Variants in FAM107A observed in about 807,000 individuals in gnomAD.
FAM107A encodes actin-associated protein FAM107A.
FAM107A carries 19 observed loss-of-function variants against 13.7 expected under a neutral mutation model. The observed-to-expected ratio is 1.38, with a 90% CI of 0.97 to 2.03. The LOEUF is 2.03. FAM107A is among the 30% of genes most tolerant of loss of function. The pLI is 0.00. For synonymous variants in FAM107A, 82 were observed against 74.5 expected, an observed-to-expected ratio of 1.10 and a Z score of -0.52; for missense variants, 203 against 184.4, an observed-to-expected ratio of 1.10 and a Z score of -0.58.
chr3:58,569,555 G>A lies in FAM107A; in HGVS notation c.170+136C>T, dbSNP rs1461744438. ...CTTTACAGGTTTTGCCGGTGATCAT[G>A]TGGGGCACCTCAGCCTTCCTCAGTC... On this transcript the variant is annotated intron_variant, in intron 2 of 3. Coordinates refer to ENST00000360997, the MANE Select transcript of FAM107A (RefSeq NM_001076778.3). The surrounding 1 kb of genome is among the most constrained non-coding windows in gnomAD (Gnocchi z 5.7). 1 of 725,060 alleles carries A rather than the reference G, an allele frequency of 1.4e-6. No individual in the cohort carries two copies. The highest frequency in any genetic ancestry group is 2.3e-6 in the Non-Finnish European group (1 of 435,422). 44.9% of individuals were successfully genotyped at this position (725,060 alleles called of 1,614,324 possible). A position where few individuals can be genotyped will look rare whatever the true frequency, so the allele number is the denominator to read the frequency against.
At chr3:58,627,259 C>A in intron 1 of FAM107A, 1 of 506,014 alleles carries the variant, frequency 2.0e-6, no homozygotes, top group South Asian at 3.3e-5. Flanking sequence ...GTCCCTGCAG[C>A]TCCTCACCTC....
chr3:58,577,355 G>A lies in FAM107A; in HGVS notation c.-52C>T. On this transcript the variant is annotated 5_prime_UTR_variant, in exon 1 of 4. Transcript: ENST00000360997. This position sits in a 1 kb window ranked among gnomAD's most constrained non-coding sequence, Gnocchi z 4.9. ...AAGGGAAGTCAGGAGCGTGTTGCTG[G>A]GTTCCTCACTCCACCGGGAAGTCCC... The A allele has an allele frequency of 3.0e-6, 3 of 985,424 alleles. No individual in the cohort carries two copies. The highest frequency in any genetic ancestry group is 3.6e-6 in the Non-Finnish European group (3 of 829,966). 61.0% of individuals were successfully genotyped at this position (985,424 alleles called of 1,614,324 possible). A position where few individuals can be genotyped will look rare whatever the true frequency, so the allele number is the denominator to read the frequency against.
At chr3:58,627,194 G>T (rs1016377196) in intron 1 of FAM107A, 7 of 586,394 alleles carry the variant, frequency 1.2e-5, no homozygotes, top group African/African-American at 1.9e-5. Flanking sequence ...GGCTTAGGGC[G>T]ATTGATCCTG....
upstream of FAM107A, among the ~76,000 whole-genome samples, chr3:58,581,200 C>T (rs1228923009): frequency 6.6e-6 from 1 of 152,212 alleles, no homozygotes; most frequent in East Asian, 1.9e-4. Context: ...AGGGGGAAGC[C>T]CAGGGGCTGG....
upstream of FAM107A, chr3:58,587,217 G>A: frequency 1.3e-6 from 1 of 793,500 alleles, no homozygotes; most frequent in South Asian, 3.2e-5. Flanking sequence ...CCAGGGCCAA[G>A]GCGAGAACAC....
intron 1 of FAM107A, among the ~76,000 whole-genome samples, chr3:58,593,580 C>CT (rs55829290): frequency 0.23 from 34,437 of 147,852 alleles, 4,447 homozygotes; most frequent in South Asian, 0.48. Context: ...TGACGAAGTC[C>CT]TTTTTTTTTT....
chr3:58,570,293 T>C, intron 1 of FAM107A: 1 of 679,178 alleles, frequency 1.5e-6, no homozygotes, highest in Non-Finnish European at 1.8e-6. Context: ...AAAAACAATT[T>C]GGATAAATGC....
intron 1 of FAM107A, among the ~76,000 whole-genome samples, chr3:58,623,349 G>A (rs1054814003): frequency 2.0e-5 from 3 of 152,214 alleles, no homozygotes; most frequent in Non-Finnish European, 2.9e-5. Context: ...CCTGGGTGGT[G>A]TTGGGTTTGG....
upstream of FAM107A, among the ~76,000 whole-genome samples, chr3:58,582,333 G>A (rs147007030): frequency 1.6e-4 from 25 of 152,340 alleles, no homozygotes; most frequent in East Asian, 2.5e-3. Flanking sequence ...TGGAGGCTGC[G>A]TCTGCCCCTC....
At chr3:58,578,877 C>T (rs1030330292), upstream of FAM107A, among the ~76,000 whole-genome samples, 3 of 152,224 alleles carry the variant, frequency 2.0e-5, no homozygotes, top group Non-Finnish European at 2.9e-5. Flanking sequence ...AACAAGGCAA[C>T]CTTGTGTCTT....
At chr3:58,590,656 C>A (rs78162801), upstream of FAM107A, among the ~76,000 whole-genome samples, 2 of 152,054 alleles carry the variant, frequency 1.3e-5, no homozygotes, top group South Asian at 2.1e-4. Context: ...AGAGAGTGCA[C>A]GCAAGGAAGT....
intron 1 of FAM107A, among the ~76,000 whole-genome samples, chr3:58,605,303 T>C (rs756464155): frequency 2.6e-5 from 4 of 152,250 alleles, no homozygotes; most frequent in Non-Finnish European, 5.9e-5. Flanking sequence ...AGTCTGACCC[T>C]GTGCCTGCAA....
chr3:58,575,780 C>G (rs1456504331), intron 1 of FAM107A, among the ~76,000 whole-genome samples: 1 of 152,202 alleles, frequency 6.6e-6, no homozygotes, highest in Non-Finnish European at 1.5e-5. Context: ...CTGGGGAGCC[C>G]CAGCCTGGCC....
At chr3:58,570,482 C>T (rs762010607) in intron 1 of FAM107A, 13 of 529,112 alleles carry the variant, frequency 2.5e-5, no homozygotes, top group Non-Finnish European at 2.7e-5. Context: ...ACTTCTACCA[C>T]AGCGGTTTGA....
rs1481237097 is a variant in FAM107A, at chr3:58,565,011, A to G, written c.*1577T>C. 6.6e-6 allele frequency: 1 copy of G among 152,256 alleles called. No individual in the cohort carries two copies. The highest frequency in any genetic ancestry group is 1.5e-5 in the Non-Finnish European group (1 of 68,042). 9.4% of individuals were successfully genotyped at this position (152,256 alleles called of 1,614,324 possible). ...GACAGTCCCACGTTTGCTTCCAGGA[A>G]TCAAAGAGCATGCCAGTGGCAGCTA... On this transcript the variant is annotated 3_prime_UTR_variant, in exon 4 of 4. Coordinates refer to ENST00000360997, the MANE Select transcript of FAM107A (RefSeq NM_001076778.3).
chr3:58,612,681 A>G (rs1201050683), intron 1 of FAM107A, among the ~76,000 whole-genome samples: 1 of 152,182 alleles, frequency 6.6e-6, no homozygotes, highest in Non-Finnish European at 1.5e-5. Context: ...TTTTTCTACA[A>G]TAATAATGTA....
rs948930494 is a variant in FAM107A at position 58,613,370 on chromosome 3, A to T, written c.-70+14046T>A. Among the ~76,000 whole-genome samples, 5 of 151,944 alleles carry T rather than the reference A, an allele frequency of 3.3e-5. No homozygotes were observed. Among genetic ancestry groups the T allele is most frequent in the Admixed American group, 3.3e-4 (5 of 15,250 alleles). The stretch of plus-strand genomic sequence containing the variant: ...GGCTTCTCATGCTGTGCTAGAGCTG[A>T]CTCTAGTGAGCTGACCTCAGCCCTC... On this transcript the variant is annotated intron_variant, in intron 1 of 3. Transcript: ENST00000465970. The surrounding 1 kb of genome is among the most constrained non-coding windows in gnomAD (Gnocchi z 4.6).
At chr3:58,599,588 G>T (rs1345568120) in intron 1 of FAM107A, among the ~76,000 whole-genome samples, 1 of 151,954 alleles carries the variant, frequency 6.6e-6, no homozygotes, top group African/African-American at 2.4e-5. Context: ...GGGCAGGAGG[G>T]ACTTCCAGGG....
chr3:58,581,482 T>C (rs780794730), upstream of FAM107A, among the ~76,000 whole-genome samples: 3 of 152,204 alleles, frequency 2.0e-5, no homozygotes, highest in Non-Finnish European at 2.9e-5. Flanking sequence ...GAAGTTTCCA[T>C]GGCAACTTAA....
Sources: allele counts gnomAD v4.1 joint callset (sites outside exome capture counted in the v4.1 genomes callset), GRCh38; gene constraint gnomAD v4.1.1; non-coding constraint Gnocchi (gnomAD v3.1); transcripts MANE v1.5; gene names NCBI Gene and HGNC (gene_info 2026-07-23, HGNC 2026-07-21).